Variants in XYLT1 observed in about 807,000 individuals in gnomAD.
The protein encoded by XYLT1 is beta-D-xylosyltransferase 1.
Under a neutral mutation model 91.3 loss-of-function variants are expected in XYLT1, and 36 were observed. That is an observed-to-expected ratio of 0.39 (90% confidence interval 0.30 to 0.52). The LOEUF (loss-of-function observed/expected upper bound fraction) is 0.52, where lower values mean the gene tolerates loss of function less well. Ranked by LOEUF, XYLT1 falls within the 20% of genes least tolerant of loss-of-function variation. The pLI, the probability that XYLT1 is intolerant of heterozygous loss-of-function variation, is 0.68. For missense variants in XYLT1, 1,242 were observed against 1,284.5 expected (o/e 0.97, Z 0.51); for synonymous variants, 588 against 532.0 (o/e 1.11, Z -1.45).
intron 4 of XYLT1, among the ~76,000 whole-genome samples, chr16:17,199,795 T>A (rs2032498865): frequency 6.6e-6 from 1 of 152,174 alleles, no homozygotes; most frequent in Non-Finnish European, 1.5e-5. Flanking sequence ...CCATTAAACA[T>A]CTTTCTTTAT....
intron 1 of XYLT1, among the ~76,000 whole-genome samples, chr16:17,401,286 T>C (rs1037220745): frequency 2.5e-4 from 38 of 150,868 alleles, no homozygotes; most frequent in African/African-American, 9.2e-4. Context: ...TTGAGGTTGC[T>C]GGGAATGGAG....
At chr16:17,112,881 C>T (rs1358196701) in intron 11 of XYLT1, among the ~76,000 whole-genome samples, 3 of 150,264 alleles carry the variant, frequency 2.0e-5, no homozygotes, top group Non-Finnish European at 4.5e-5. Context: ...GCTCTTGTTG[C>T]CAGGCTGGAG....
chr16:17,409,674 C>T lies in XYLT1; in HGVS notation c.364-51624G>A, dbSNP rs546089762. On this transcript the variant is annotated intron_variant, in intron 1 of 11. Coordinates refer to ENST00000261381, the MANE Select transcript of XYLT1 (RefSeq NM_022166.4). ...ATGTGGTTCTCCTGCTTCAACCTCC[C>T]GAGTAGCTGGGAGTACAGGTGCCCG... 5.5e-4 allele frequency among the ~76,000 whole-genome samples: 84 copies of T among 151,740 alleles called. 3 individuals are homozygous for T. In the South Asian group the frequency reaches 0.014, roughly 24 times the overall value.
At chr16:17,238,882 C>G (rs1330832220) in intron 3 of XYLT1, among the ~76,000 whole-genome samples, 1 of 152,230 alleles carries the variant, frequency 6.6e-6, no homozygotes, top group African/African-American at 2.4e-5. Flanking sequence ...CGTGATCTCA[C>G]AATGGGGTGA....
intron 2 of XYLT1, among the ~76,000 whole-genome samples, chr16:17,288,381 C>A (rs928111650): frequency 1.1e-4 from 17 of 151,956 alleles, no homozygotes; most frequent in African/African-American, 3.9e-4. Flanking sequence ...TCACTCATGG[C>A]AAGAGTAACG....
At chr16:17,239,656 T>A (rs1445231541) in intron 3 of XYLT1, among the ~76,000 whole-genome samples, 1 of 150,248 alleles carries the variant, frequency 6.7e-6, no homozygotes, top group African/African-American at 2.5e-5. Context: ...GCCCAGCCCA[T>A]CCATCCATGT....
intron 1 of XYLT1, among the ~76,000 whole-genome samples, chr16:17,366,061 CTTTT>C (rs11398471): frequency 2.3e-5 from 3 of 128,610 alleles, no homozygotes; most frequent in Non-Finnish European, 4.9e-5. Flanking sequence ...AGCTGGTTTG[CTTTT>C]TTTTTTTTTT....
At chr16:17,350,424 AT>A (rs2035205051) in intron 2 of XYLT1, among the ~76,000 whole-genome samples, 1 of 152,218 alleles carries the variant, frequency 6.6e-6, no homozygotes, top group African/African-American at 2.4e-5. Flanking sequence ...CTCTCTGAGA[AT>A]GACTCCATGC....
In XYLT1 at chr16:17,107,531, G is replaced by A. The variant is rs930344005; in HGVS notation, c.*1164C>T. 6.6e-6 allele frequency: 1 copy of A among 152,632 alleles called. No homozygotes were observed. The highest frequency in any genetic ancestry group is 2.4e-5 in the African/African-American group (1 of 41,438). 9.5% of individuals were successfully genotyped at this position (152,632 alleles called of 1,614,324 possible). A position where few individuals can be genotyped will look rare whatever the true frequency, so the allele number is the denominator to read the frequency against. On this transcript the variant is annotated 3_prime_UTR_variant, in exon 12 of 12. Transcript: ENST00000261381. ...TGTTGCATGTCCCGTTGAGCCTGTG[G>A]CCGAAGGGCATGAAATTAAAAACCA... is the stretch of plus-strand genomic sequence containing the variant.
chr16:17,463,846 T>A (rs773759101), intron 1 of XYLT1, among the ~76,000 whole-genome samples: 4 of 152,226 alleles, frequency 2.6e-5, no homozygotes, highest in Non-Finnish European at 5.9e-5. Context: ...TAAGTGCCCA[T>A]CGGTGGATGA....
intron 2 of XYLT1, among the ~76,000 whole-genome samples, chr16:17,278,031 G>A (rs1334682671): frequency 1.3e-5 from 2 of 152,160 alleles, no homozygotes; most frequent in African/African-American, 4.8e-5. Flanking sequence ...TGCCCCTCCT[G>A]CCATGATTGA....
At chr16:17,344,964 G>A (rs1177049587) in intron 2 of XYLT1, among the ~76,000 whole-genome samples, 16 of 152,150 alleles carry the variant, frequency 1.1e-4, no homozygotes, top group Non-Finnish European at 1.5e-5. Context: ...GCCTCCCAAA[G>A]TTCTAGGATT....
intron 1 of XYLT1, among the ~76,000 whole-genome samples, chr16:17,423,344 G>A (rs2036272576): frequency 6.7e-6 from 1 of 149,526 alleles, no homozygotes. Flanking sequence ...CACTCCTCAG[G>A]GGCAGCTGAG....
At chr16:17,350,039 A>C (rs548673891) in intron 2 of XYLT1, among the ~76,000 whole-genome samples, 1 of 151,996 alleles carries the variant, frequency 6.6e-6, no homozygotes, top group East Asian at 1.9e-4. Context: ...ACACCCGGCT[A>C]ATTTTTTTGT....
chr16:17,292,081 T>TACACACAC (rs10568382), intron 2 of XYLT1, among the ~76,000 whole-genome samples: 183 of 149,082 alleles, frequency 1.2e-3, no homozygotes, highest in Middle Eastern at 7.0e-3. Flanking sequence ...CACTAAACCA[T>TACACACAC]ACACACACAC....
chr16:17,444,242 T>C (rs1476063084), intron 1 of XYLT1, among the ~76,000 whole-genome samples: 2 of 152,240 alleles, frequency 1.3e-5, no homozygotes, highest in African/African-American at 4.8e-5. Flanking sequence ...ACAGTGGTTT[T>C]TAGAAGACCA....
chr16:17,139,058 A>C (rs565839824), intron 7 of XYLT1, among the ~76,000 whole-genome samples: 35 of 152,180 alleles, frequency 2.3e-4, no homozygotes, highest in Non-Finnish European at 4.7e-4. Context: ...ACCAGGTGCC[A>C]TATTTTCTCC....
chr16:17,173,901 C>T (rs1348877937), intron 5 of XYLT1, among the ~76,000 whole-genome samples: 1 of 152,222 alleles, frequency 6.6e-6, no homozygotes, highest in Non-Finnish European at 1.5e-5. Context: ...GTGGAAGACT[C>T]AATCCAGTGC....
intron 2 of XYLT1, among the ~76,000 whole-genome samples, chr16:17,264,929 C>T (rs755911071): frequency 6.6e-6 from 1 of 152,094 alleles, no homozygotes; most frequent in Non-Finnish European, 1.5e-5. Context: ...TGGCTCACAC[C>T]TGTAATCCCA....
Sources: allele counts gnomAD v4.1 joint callset (sites outside exome capture counted in the v4.1 genomes callset), GRCh38; gene constraint gnomAD v4.1.1; transcripts MANE v1.5; gene names NCBI Gene and HGNC (gene_info 2026-07-23, HGNC 2026-07-21).